The following PTPRG variants were observed in gnomAD, a reference collection of about 807,000 sequenced individuals.
The protein encoded by PTPRG is protein tyrosine phosphatase receptor type G.
In PTPRG, 102 loss-of-function variants were observed where a neutral mutation model predicts 165.3. The observed-to-expected ratio is 0.62, with a 90% CI of 0.53 to 0.73. The LOEUF is 0.73. Among genes scored for constraint, PTPRG ranks in the 30% least tolerant of loss-of-function variants. PTPRG has a pLI of 0.00. For missense variants in PTPRG, 1,866 were observed against 1,861.4 expected, an observed-to-expected ratio of 1.00 and a Z score of -0.05; for synonymous variants, 675 against 669.5, an observed-to-expected ratio of 1.01 and a Z score of -0.13.
intron 2 of PTPRG, among the ~76,000 whole-genome samples, chr3:61,886,372 A>T (rs2038036901): frequency 1.3e-5 from 2 of 152,216 alleles, no homozygotes; most frequent in African/African-American, 4.8e-5. Context: ...ACTACCTAGT[A>T]GTTCATTTAC....
intron 1 of PTPRG, among the ~76,000 whole-genome samples, chr3:61,689,098 A>G (rs1330624853): frequency 6.6e-6 from 1 of 152,010 alleles, no homozygotes; most frequent in East Asian, 1.9e-4. Context: ...ATAATCCATC[A>G]CTCTGGACTT....
At chr3:61,581,530 T>A (rs1231494014) in intron 1 of PTPRG, among the ~76,000 whole-genome samples, 1 of 152,120 alleles carries the variant, frequency 6.6e-6, no homozygotes, top group East Asian at 1.9e-4. Flanking sequence ...CTTCTCAGTT[T>A]TAGAGCGTGT....
chr3:62,147,126 AC>A (rs1245418626), intron 6 of PTPRG, among the ~76,000 whole-genome samples: 1 of 152,110 alleles, frequency 6.6e-6, no homozygotes, highest in East Asian at 1.9e-4. Flanking sequence ...GTTGATTCCT[AC>A]TTCATAGGGT....
chr3:61,591,658 G>T (rs1024741762), intron 1 of PTPRG, among the ~76,000 whole-genome samples: 1 of 152,160 alleles, frequency 6.6e-6, no homozygotes, highest in African/African-American at 2.4e-5. Flanking sequence ...GAACTAGAGA[G>T]AATCCTGTAG....
rs1350565530 is a variant in PTPRG at position 62,295,697 on chromosome 3, T to C, written c.*2390T>C. The C allele has an allele frequency of 6.6e-6, 1 of 152,144 alleles. No individual in the cohort carries two copies. The highest frequency in any genetic ancestry group is 2.4e-5 in the African/African-American group (1 of 41,444). 9.4% of individuals were successfully genotyped at this position (152,144 alleles called of 1,614,324 possible). ...CAGCGAGCTTGAACCAAAGTCTTCATATCCTGACCCACTGAATTATAAGCA... is the reference window on the plus strand; with the variant it reads ...CAGCGAGCTTGAACCAAAGTCTTCACATCCTGACCCACTGAATTATAAGCA... On this transcript the variant is annotated 3_prime_UTR_variant, in exon 30 of 30. Coordinates refer to ENST00000474889, the MANE Select transcript of PTPRG (RefSeq NM_002841.4).
intron 6 of PTPRG, among the ~76,000 whole-genome samples, chr3:62,139,721 A>G (rs1703850736): frequency 6.6e-6 from 1 of 152,214 alleles, no homozygotes; most frequent in Non-Finnish European, 1.5e-5. Flanking sequence ...TTTCTAGCAG[A>G]CCAGCTTTCT....
chr3:62,203,824 C>T lies in PTPRG; in HGVS notation c.2029C>T (p.Pro677Ser), dbSNP rs776971532. ...DPDMVTSTQV[P>S]PTATEEQYAG... Reference sequence around the variant, plus strand: ...CGACATGGTCACCTCCACCCAAGTGCCCCCCACCGCCACAGAGGAGCAGTA... The same window carrying T: ...CGACATGGTCACCTCCACCCAAGTGTCCCCCACCGCCACAGAGGAGCAGTA... Residue 677 changes from proline to serine, a missense_variant, in exon 12 of 30, where the codon CCC (proline) becomes TCC (serine). Physicochemically the swap from Pro to Ser is moderately conservative, Grantham distance 74. Coordinates refer to ENST00000474889, the MANE Select transcript of PTPRG (RefSeq NM_002841.4). The surrounding 1 kb of genome is among the most constrained non-coding windows in gnomAD (Gnocchi z 6.4). The T allele has an allele frequency of 6.2e-6, 10 of 1,613,798 alleles. No homozygotes were observed. In the African/African-American group the frequency reaches 9.3e-5, roughly 15 times the overall value.
intron 8 of PTPRG, among the ~76,000 whole-genome samples, chr3:62,178,791 A>G (rs557568533): frequency 1.3e-5 from 2 of 152,346 alleles, no homozygotes; most frequent in African/African-American, 4.8e-5. Flanking sequence ...TTCAAGGCCA[A>G]CTTAGCAACC....
intron 2 of PTPRG, among the ~76,000 whole-genome samples, chr3:61,760,031 T>C (rs1295559858): frequency 6.6e-6 from 1 of 152,150 alleles, no homozygotes; most frequent in Non-Finnish European, 1.5e-5. Context: ...TATTAAGTCA[T>C]ATTTGAGATT....
intron 4 of PTPRG, among the ~76,000 whole-genome samples, chr3:62,041,891 C>T (rs145937522): frequency 4.4e-4 from 67 of 152,248 alleles, no homozygotes; most frequent in African/African-American, 1.6e-3. Context: ...ATGTGACTCA[C>T]ACAGTGCTGA....
In PTPRG at chr3:62,236,259, T is replaced by A. The variant is rs369887037; in HGVS notation, c.2375+4948T>A. On this transcript the variant is annotated intron_variant, in intron 14 of 29. Coordinates refer to ENST00000474889, the MANE Select transcript of PTPRG (RefSeq NM_002841.4). ...CTTTGAGGAAAAGCCCAACAACGCC[T>A]ACAGCCTTTTTCTTTTATTGTTGTA... 8.5e-5 allele frequency among the ~76,000 whole-genome samples: 13 copies of A among 152,206 alleles called. No individual in the cohort carries two copies. In the South Asian group the frequency reaches 2.7e-3, roughly 32 times the overall value.
chr3:62,241,043 G>A (rs1701148006), intron 14 of PTPRG, among the ~76,000 whole-genome samples: 1 of 152,134 alleles, frequency 6.6e-6, no homozygotes, highest in Admixed American at 6.5e-5. Context: ...AGTATACAGG[G>A]ATAGACCTCA....
intron 2 of PTPRG, among the ~76,000 whole-genome samples, chr3:61,933,560 A>G (rs895818225): frequency 2.0e-5 from 3 of 152,138 alleles, no homozygotes; most frequent in Non-Finnish European, 4.4e-5. Context: ...AACAATTTCC[A>G]CTAATTGATT....
chr3:61,989,386 T>G (rs2040831973), intron 2 of PTPRG, among the ~76,000 whole-genome samples: 1 of 152,204 alleles, frequency 6.6e-6, no homozygotes, highest in Admixed American at 6.5e-5. Context: ...TTAACCTGAT[T>G]AAAGATAAAG....
chr3:62,289,705 C>CCT (rs1553670267), intron 28 of PTPRG, among the ~76,000 whole-genome samples: 8 of 140,154 alleles, frequency 5.7e-5, no homozygotes, highest in Non-Finnish European at 9.3e-5. Context: ...TGATCCCCCC[C>CCT]CCCCAAAAAA....
chr3:61,962,885 T>G (rs548667274), intron 2 of PTPRG, among the ~76,000 whole-genome samples: 1 of 152,278 alleles, frequency 6.6e-6, no homozygotes, highest in African/African-American at 2.4e-5. Flanking sequence ...TTTTGTTTGT[T>G]TAGTCATTTA....
In PTPRG at chr3:62,297,564, G is replaced by A. The variant is rs1703107020; in HGVS notation, c.*4257G>A. ...ATTCTATTATAGTGTTATTTAATAT[G>A]TAAATTGTATTGCTATACATAAAAT... On this transcript the variant is annotated 3_prime_UTR_variant, in exon 30 of 30. Coordinates refer to ENST00000474889, the MANE Select transcript of PTPRG (RefSeq NM_002841.4). The A allele has an allele frequency of 2.7e-5, 4 of 150,562 alleles. No individual in the cohort carries two copies. The South Asian group carries it at 8.4e-4, about 31-fold the overall frequency. 9.3% of individuals were successfully genotyped at this position (150,562 alleles called of 1,614,324 possible).
intron 2 of PTPRG, among the ~76,000 whole-genome samples, chr3:61,925,300 T>A (rs1317878903): frequency 6.6e-6 from 1 of 152,250 alleles, no homozygotes; most frequent in Non-Finnish European, 1.5e-5. Flanking sequence ...GTGTGTTCCT[T>A]TGTCCTGATC....
intron 1 of PTPRG, among the ~76,000 whole-genome samples, chr3:61,644,493 G>A (rs1702149572): frequency 6.6e-6 from 1 of 152,268 alleles, no homozygotes; most frequent in East Asian, 1.9e-4. Flanking sequence ...TATATTTTGG[G>A]AGATAACTGG....
Sources: allele counts gnomAD v4.1 joint callset (sites outside exome capture counted in the v4.1 genomes callset), GRCh38; gene constraint gnomAD v4.1.1; non-coding constraint Gnocchi (gnomAD v3.1); transcripts MANE v1.5; gene names NCBI Gene and HGNC (gene_info 2026-07-23, HGNC 2026-07-21).